The following ZFPM1 variants were observed in gnomAD, a reference collection of about 807,000 sequenced individuals.
The protein encoded by ZFPM1 is zinc finger protein, FOG family member 1.
A neutral mutation model predicts 46.3 loss-of-function variants in ZFPM1; 28 were observed. The observed-to-expected ratio is 0.60, with a 90% CI of 0.45 to 0.83. The LOEUF is 0.83. Among genes scored for constraint, ZFPM1 ranks in the 40% least tolerant of loss-of-function variants. The pLI is 0.00. For missense variants in ZFPM1, 1,878 were observed against 1,432.4 expected (o/e 1.31, Z -5.02); for synonymous variants, 957 against 675.9 (o/e 1.42, Z -6.45).
chr16:88,457,477 G>A lies in ZFPM1; in HGVS notation c.40+3799G>A, dbSNP rs116188896. 3.9e-3 allele frequency among the ~76,000 whole-genome samples: 593 copies of A among 152,332 alleles called. 1 individual carries two copies. The highest frequency in any genetic ancestry group is 0.013 in the African/African-American group (561 of 41,568). On this transcript the variant is annotated intron_variant, in intron 1 of 9. Transcript: ENST00000319555. The stretch of plus-strand genomic sequence containing the variant: ...AGTGTCTGCCATCCAGGGGCTGCAG[G>A]TCCTGCTCTCAGCTTACCTGGTCCT...
chr16:88,528,361 G>A, intron 6 of ZFPM1, 123 bp downstream of exon 6: 2 of 1,148,748 alleles, frequency 1.7e-6, no homozygotes, highest in Non-Finnish European at 2.4e-6. Flanking sequence ...AGAGTGAGAG[G>A]TAAGGCAGGG....
At chr16:88,463,808 C>T (rs1207086703) in intron 1 of ZFPM1, among the ~76,000 whole-genome samples, 3 of 152,256 alleles carry the variant, frequency 2.0e-5, no homozygotes, top group Non-Finnish European at 4.4e-5. Flanking sequence ...TCCTGTGTCT[C>T]TAGGCAGATC....
chr16:88,477,631 G>A (rs1908746785), intron 1 of ZFPM1, among the ~76,000 whole-genome samples: 1 of 152,250 alleles, frequency 6.6e-6, no homozygotes, highest in South Asian at 2.1e-4. Context: ...GGGGTTTGAG[G>A]ATACAGTGAA....
intron 1 of ZFPM1, among the ~76,000 whole-genome samples, chr16:88,462,876 G>A (rs1053005387): frequency 7.0e-6 from 1 of 142,678 alleles, no homozygotes; most frequent in Admixed American, 6.9e-5. Context: ...TCACGGGGCT[G>A]TGAGGAGCGA....
chr16:88,458,899 C>T (rs1465018475), intron 1 of ZFPM1, among the ~76,000 whole-genome samples: 1 of 152,214 alleles, frequency 6.6e-6, no homozygotes, highest in African/African-American at 2.4e-5. Context: ...CTGCGCCCTG[C>T]CTGGTGAGTC....
chr16:88,516,099 A>G (rs1430949364), intron 4 of ZFPM1: 1 of 398,346 alleles, frequency 2.5e-6, no homozygotes, highest in East Asian at 3.6e-5. Context: ...GGGTCCTGCC[A>G]CTCCATTTTA....
Position 88,525,174 on chromosome 16 carries a change from C to T in ZFPM1, c.403-1640C>T, listed in dbSNP as rs8046415. On this transcript the variant is annotated intron_variant, in intron 4 of 9. Transcript: ENST00000319555. The stretch of plus-strand genomic sequence containing the variant: ...AGGGGTCCCTGCATACGGGTCTGGT[C>T]GTGCCCTGCCCAAGGTCGCAGCAGG... 9.8e-3 allele frequency among the ~76,000 whole-genome samples: 1,487 copies of T among 152,334 alleles called. 33 individuals are homozygous for T. Among genetic ancestry groups the T allele is most frequent in the African/African-American group, 0.034 (1,423 of 41,574 alleles).
intron 3 of ZFPM1, among the ~76,000 whole-genome samples, chr16:88,499,337 A>G (rs2142396509): frequency 6.6e-6 from 1 of 152,354 alleles, no homozygotes; most frequent in East Asian, 1.9e-4. Context: ...CCTGTGATAG[A>G]CAGGGGGATG....
At chr16:88,466,176 G>A (rs913454242) in intron 1 of ZFPM1, among the ~76,000 whole-genome samples, 3 of 152,178 alleles carry the variant, frequency 2.0e-5, no homozygotes, top group African/African-American at 4.8e-5. Flanking sequence ...TCCCTGGGGC[G>A]GTGTGGATGG....
At chr16:88,525,258 G>T (rs565671712) in intron 4 of ZFPM1, among the ~76,000 whole-genome samples, 3 of 152,350 alleles carry the variant, frequency 2.0e-5, no homozygotes, top group African/African-American at 4.8e-5. Flanking sequence ...GGTCCCACGC[G>T]TGCTGGCAAA....
chr16:88,526,804 C>T lies in ZFPM1; in HGVS notation c.403-10C>T. 2 of 1,381,144 alleles carry T rather than the reference C, an allele frequency of 1.4e-6. No individual in the cohort carries two copies. The highest frequency in any genetic ancestry group is 6.5e-5 in the African/African-American group (2 of 30,720). 85.6% of individuals were successfully genotyped at this position (1,381,144 alleles called of 1,614,324 possible). A position where few individuals can be genotyped will look rare whatever the true frequency, so the allele number is the denominator to read the frequency against. ...ACCCCTCCCCACGTGTTCCTACCCT[C>T]CCCCCCCAGAGCCCAGCCCTGACCC... On this transcript the variant is annotated splice_polypyrimidine_tract_variant and intron_variant, in intron 4 of 9. Coordinates refer to ENST00000319555, the MANE Select transcript of ZFPM1 (RefSeq NM_153813.3).
chr16:88,534,540 C>T lies in ZFPM1; in HGVS notation c.2582C>T (p.Pro861Leu), dbSNP rs1304152095. 3 of 1,383,560 alleles carry T rather than the reference C, an allele frequency of 2.2e-6. No individual in the cohort carries two copies. The highest frequency in any genetic ancestry group is 2.8e-6 in the Non-Finnish European group (3 of 1,071,520). The allele number at this position is 1,383,560 out of a possible 1,614,324, so 85.7% of individuals were successfully genotyped here. A position where few individuals can be genotyped will look rare whatever the true frequency, so the allele number is the denominator to read the frequency against. Residue 861 changes from proline to leucine, a missense_variant, in exon 10 of 10, where the codon CCG becomes CTG. Coordinates refer to ENST00000319555, the MANE Select transcript of ZFPM1 (RefSeq NM_153813.3). ...GCCGCCGCCTGCCCCTACTGCCCCC[C>T]GAACGGCCCGGTGCGCGGGGACCTG... ...LPAAACPYCP[P>L]NGPVRGDLLE...
At chr16:88,463,511 G>C (rs539166598) in intron 1 of ZFPM1, among the ~76,000 whole-genome samples, 2 of 152,234 alleles carry the variant, frequency 1.3e-5, no homozygotes, top group African/African-American at 4.8e-5. Context: ...CCCCTGCCTC[G>C]CACTAGGCCA....
chr16:88,481,698 C>T (rs1324112732), intron 1 of ZFPM1, among the ~76,000 whole-genome samples: 2 of 152,102 alleles, frequency 1.3e-5, no homozygotes, highest in Non-Finnish European at 2.9e-5. Flanking sequence ...TTCCTGACCG[C>T]CCCTACCTGC....
intron 2 of ZFPM1, among the ~76,000 whole-genome samples, chr16:88,487,555 G>A (rs1253903897): frequency 4.6e-5 from 7 of 152,130 alleles, no homozygotes; most frequent in Admixed American, 1.3e-4. Flanking sequence ...AGGTTTCAGA[G>A]GGGTCTGCAG....
Position 88,515,989 on chromosome 16 carries a change from C to T in ZFPM1, c.402+1469C>T, listed in dbSNP as rs1911271708. The T allele has an allele frequency of 1.0e-5, 4 of 396,592 alleles. No homozygotes were observed. In the Admixed American group the frequency reaches 1.3e-4, roughly 13 times the overall value. 24.6% of individuals were successfully genotyped at this position (396,592 alleles called of 1,614,324 possible). A position where few individuals can be genotyped will look rare whatever the true frequency, so the allele number is the denominator to read the frequency against. Reference sequence around the variant, plus strand: ...TGTCAAGAAAACCCATAGGTAGAGACCAAGGGCAAAGACCGTAGGGGCTGA... The same window carrying T: ...TGTCAAGAAAACCCATAGGTAGAGATCAAGGGCAAAGACCGTAGGGGCTGA... On this transcript the variant is annotated intron_variant, in intron 4 of 9. Coordinates refer to ENST00000319555, the MANE Select transcript of ZFPM1 (RefSeq NM_153813.3).
rs536618801 is a variant in ZFPM1 at position 88,526,306 on chromosome 16, G to A, written c.403-508G>A. On this transcript the variant is annotated intron_variant, in intron 4 of 9. Transcript: ENST00000319555. ...GCTAGGGAAGTGCCGTATCTTCTGG[G>A]CTAATCTCGGCCCCAGCCCACAGAG... Among the ~76,000 whole-genome samples the A allele has an allele frequency of 5.3e-5, 8 of 152,328 alleles. No homozygotes were observed. In the East Asian group the frequency reaches 5.8e-4, roughly 11 times the overall value.
chr16:88,500,253 A>G (rs1186851150), intron 3 of ZFPM1, among the ~76,000 whole-genome samples: 1 of 152,120 alleles, frequency 6.6e-6, no homozygotes, highest in Non-Finnish European at 1.5e-5. Context: ...ACTGCCCAGA[A>G]GCTTCCCTCC....
In ZFPM1 at chr16:88,535,164, G is replaced by T. The variant is rs891970715; in HGVS notation, c.*185G>T. 1.5e-5 allele frequency: 10 copies of T among 662,526 alleles called. No individual in the cohort carries two copies. In the Admixed American group the frequency reaches 4.5e-4, roughly 30 times the overall value. The allele number at this position is 662,526 out of a possible 1,614,324, so 41.0% of individuals were successfully genotyped here. ...TTAATAAAGAAGTTCAGTTTGATGA[G>T]CATGGTGGTGGGCCAGCCTAGTTCT... On this transcript the variant is annotated 3_prime_UTR_variant, in exon 10 of 10. Coordinates refer to ENST00000319555, the MANE Select transcript of ZFPM1 (RefSeq NM_153813.3).
Sources: gnomAD v4.1 joint callset for allele counts (sites outside exome capture counted in the v4.1 genomes callset) on GRCh38, gnomAD v4.1.1 for gene constraint, MANE v1.5 for transcripts, NCBI Gene and HGNC (gene_info 2026-07-23, HGNC 2026-07-21) for gene names.